The following TEX11 variants were observed in gnomAD, a reference collection of about 807,000 sequenced individuals.
TEX11 encodes testis-expressed protein 11.
A neutral mutation model predicts 84.4 loss-of-function variants in TEX11; 7 were observed. The observed-to-expected ratio is 0.08, with a 90% CI of 0.05 to 0.16. The LOEUF (loss-of-function observed/expected upper bound fraction) is 0.16, where lower values mean the gene tolerates loss of function less well. Among genes scored for constraint, TEX11 ranks in the 10% least tolerant of loss-of-function variants. The pLI, the probability that TEX11 is intolerant of heterozygous loss-of-function variation, is 1.00. For synonymous variants in TEX11, 264 were observed against 222.8 expected (o/e 1.18, Z -1.64); for missense variants, 551 against 660.5 (o/e 0.83, Z 1.82).
At chrX:70,875,872 T>C (rs777838865) in intron 3 of TEX11, among the ~76,000 whole-genome samples, 2 of 112,455 alleles carry the variant, frequency 1.8e-5, no homozygotes, top group Non-Finnish European at 3.8e-5. Context: ...TACAAAACTG[T>C]ATGTACAGAA....
intron 7 of TEX11, among the ~76,000 whole-genome samples, chrX:70,842,354 C>T (rs1209247587): frequency 9.0e-6 from 1 of 111,202 alleles, no homozygotes; most frequent in Non-Finnish European, 1.9e-5. Context: ...TGTAATCCAG[C>T]ATATAAACAG....
intron 13 of TEX11, among the ~76,000 whole-genome samples, chrX:70,714,363 T>C (rs2090474207): frequency 9.0e-6 from 1 of 111,047 alleles, no homozygotes; most frequent in Non-Finnish European, 1.9e-5. Context: ...CTTTCTGTCG[T>C]GTTGATCTGT....
At position 70,786,910 on chromosome X, in the gene TEX11, G is replaced by A. The variant is rs746658406; in HGVS notation, c.692+19795C>T. On this transcript the variant is annotated intron_variant, in intron 9 of 29. Transcript: ENST00000374333. ...AGCACCGTGGGAGGCCAAAGCGGGC[G>A]GATTGCCTGAGGTCAGGAGTTCGAA... Among the ~76,000 whole-genome samples the A allele has an allele frequency of 1.1e-4, 12 of 111,571 alleles. No homozygotes were observed. In the East Asian group the frequency reaches 1.7e-3, roughly 16 times the overall value.
chrX:70,681,718 T>G (rs771746992), intron 14 of TEX11, among the ~76,000 whole-genome samples: 1 of 110,937 alleles, frequency 9.0e-6, no homozygotes, highest in African/African-American at 3.3e-5. Flanking sequence ...CTTTAAACCT[T>G]TTCTCTATTT....
At chrX:70,543,009 G>A (rs927102207) in intron 28 of TEX11, among the ~76,000 whole-genome samples, 8 of 110,168 alleles carry the variant, frequency 7.3e-5, no homozygotes, top group Admixed American at 1.9e-4. Context: ...GTGAAACCCC[G>A]TCTCTACTAA....
At chrX:70,706,720 A>T in intron 13 of TEX11, among the ~76,000 whole-genome samples, 1 of 111,397 alleles carries the variant, frequency 9.0e-6, no homozygotes. Flanking sequence ...AATGCCTAGC[A>T]ACAAAATGAC....
intron 11 of TEX11, among the ~76,000 whole-genome samples, chrX:70,729,254 C>A (rs1308312568): frequency 8.9e-6 from 1 of 112,125 alleles, no homozygotes; most frequent in African/African-American, 3.2e-5. Flanking sequence ...AATCAGAGCA[C>A]CTCTCCTCTT....
chrX:70,884,554 G>C (rs1387233923), intron 2 of TEX11, among the ~76,000 whole-genome samples: 1 of 111,603 alleles, frequency 9.0e-6, no homozygotes, highest in African/African-American at 3.3e-5. Flanking sequence ...CAGGCAAACA[G>C]GTTTAGTCAT....
chrX:70,634,825 A>G (rs764100922), intron 17 of TEX11, among the ~76,000 whole-genome samples: 23 of 112,601 alleles, frequency 2.0e-4, no homozygotes, highest in Non-Finnish European at 5.6e-5. Flanking sequence ...TGAAGAAAAC[A>G]TGAGACCTTT....
chrX:70,580,393 G>A (rs1024059745), intron 25 of TEX11, among the ~76,000 whole-genome samples: 6 of 111,978 alleles, frequency 5.4e-5, no homozygotes, highest in Admixed American at 2.9e-4. Flanking sequence ...TAGCCTAACA[G>A]GGTGACCACA....
intron 17 of TEX11, among the ~76,000 whole-genome samples, chrX:70,631,142 T>C (rs1414319512): frequency 8.9e-6 from 1 of 112,061 alleles, no homozygotes; most frequent in Non-Finnish European, 1.9e-5. Flanking sequence ...CTAAATCAAC[T>C]TGATGTGGCT....
At chrX:70,691,957 G>A (rs1198655725) in intron 13 of TEX11, among the ~76,000 whole-genome samples, 4 of 108,567 alleles carry the variant, frequency 3.7e-5, no homozygotes, top group Admixed American at 2.0e-4. Flanking sequence ...AAAAAGGTAG[G>A]GGAAAGTCCC....
intron 9 of TEX11, among the ~76,000 whole-genome samples, chrX:70,802,770 C>T (rs1294973003): frequency 9.0e-6 from 1 of 111,590 alleles, no homozygotes; most frequent in African/African-American, 3.3e-5. Context: ...AAAAAATCTG[C>T]GAAGTCTTTC....
intron 20 of TEX11, among the ~76,000 whole-genome samples, chrX:70,622,252 A>G (rs751404412): frequency 3.6e-5 from 4 of 112,635 alleles, no homozygotes; most frequent in Non-Finnish European, 5.6e-5. Context: ...ATTTTTTACA[A>G]GTTAGTCTAA....
At chrX:70,638,858 G>C (rs1432761757) in intron 17 of TEX11, among the ~76,000 whole-genome samples, 1 of 104,865 alleles carries the variant, frequency 9.5e-6, no homozygotes, top group African/African-American at 3.5e-5. Flanking sequence ...AAGAAAAAAA[G>C]ATAAGGCTCA....
At chrX:70,609,208 G>C in intron 21 of TEX11, 31 bp from the exon 22 acceptor site, 9 of 1,147,579 alleles carry the variant, frequency 7.8e-6, no homozygotes, top group Non-Finnish European at 1.1e-5. Flanking sequence ...TGATACTGAT[G>C]GTCTTATTTT....
intron 20 of TEX11, among the ~76,000 whole-genome samples, chrX:70,614,995 T>C (rs897608710): frequency 6.3e-5 from 7 of 111,407 alleles, no homozygotes; most frequent in African/African-American, 2.3e-4. Flanking sequence ...ACTGGGCTTG[T>C]GGTGTCCCCT....
At chrX:70,844,818 C>T (rs2091469701) in intron 7 of TEX11, among the ~76,000 whole-genome samples, 1 of 109,449 alleles carries the variant, frequency 9.1e-6, no homozygotes, top group Non-Finnish European at 1.9e-5. Flanking sequence ...GCCTGTAATC[C>T]CAGCTACCTC....
intron 5 of TEX11, among the ~76,000 whole-genome samples, chrX:70,855,794 GCA>G (rs2091533223): frequency 9.0e-6 from 1 of 110,822 alleles, no homozygotes; most frequent in Non-Finnish European, 1.9e-5. Flanking sequence ...CGAAAAATGA[GCA>G]CACACAGAGG....
Sources: allele counts gnomAD v4.1 joint callset (sites outside exome capture counted in the v4.1 genomes callset), GRCh38; gene constraint gnomAD v4.1.1; transcripts MANE v1.5; gene names NCBI Gene and HGNC (gene_info 2026-07-23, HGNC 2026-07-21).